Variants in AGPAT4 observed in about 807,000 individuals in gnomAD.
The protein encoded by AGPAT4 is 1-acyl-sn-glycerol-3-phosphate acyltransferase delta.
A neutral mutation model predicts 48.0 loss-of-function variants in AGPAT4; 15 were observed. The observed-to-expected ratio is 0.31, with a 90% CI of 0.21 to 0.48. The LOEUF (loss-of-function observed/expected upper bound fraction) is 0.48, where lower values mean the gene tolerates loss of function less well. AGPAT4 is among the 20% of genes least tolerant of loss of function. The pLI, the probability that AGPAT4 is intolerant of heterozygous loss-of-function variation, is 0.99. For missense variants in AGPAT4, 314 were observed against 482.5 expected, an observed-to-expected ratio of 0.65 and a Z score of 3.27; for synonymous variants, 178 against 198.7, an observed-to-expected ratio of 0.90 and a Z score of 0.88.
Position 161,234,772 on chromosome 6 carries a change from A to T in AGPAT4, c.-89-2470T>A, listed in dbSNP as rs1040782887. ...AAATCCTTTGCTTTGCCAATTCTACACTAAGAAAAGGAAGCCAGCTGACAT... is the reference window on the plus strand; with the variant it reads ...AAATCCTTTGCTTTGCCAATTCTACTCTAAGAAAAGGAAGCCAGCTGACAT... On this transcript the variant is annotated intron_variant, in intron 1 of 8. Transcript: ENST00000320285. This position sits in a 1 kb window ranked among gnomAD's most constrained non-coding sequence, Gnocchi z 4.4. Among the ~76,000 whole-genome samples the T allele has an allele frequency of 1.1e-4, 17 of 152,100 alleles. No homozygotes were observed. Among genetic ancestry groups the T allele is most frequent in the African/African-American group, 3.9e-4 (16 of 41,408 alleles).
rs1782573898 is a variant in AGPAT4 at position 161,243,954 on chromosome 6, A to T, written c.-89-11652T>A. Among the ~76,000 whole-genome samples the T allele has an allele frequency of 6.6e-6, 1 of 152,244 alleles. No individual in the cohort carries two copies. Among genetic ancestry groups the T allele is most frequent in the Non-Finnish European group, 1.5e-5 (1 of 68,048 alleles). On this transcript the variant is annotated intron_variant, in intron 1 of 8. Coordinates refer to ENST00000320285, the MANE Select transcript of AGPAT4 (RefSeq NM_020133.3). This position sits in a 1 kb window ranked among gnomAD's most constrained non-coding sequence, Gnocchi z 4.8. The stretch of plus-strand genomic sequence containing the variant: ...CCTTATTCCCAGCCCAGAGGAAGGC[A>T]GTTCAAAGTCATTGGTTTTGAGGCT...
chr6:161,131,306 A>G lies in AGPAT4; in HGVS notation c.*5234T>C, dbSNP rs114450442. ...CCATTCACAACCTTCATATTAAACT[A>G]GGATGAGGCTGCAGGAGCTGAGGAA... On this transcript the variant is annotated 3_prime_UTR_variant, in exon 9 of 9. Transcript: ENST00000320285. The G allele has an allele frequency of 2.7e-3, 421 of 157,816 alleles. 1 individual carries two copies. Among genetic ancestry groups the G allele is most frequent in the African/African-American group, 9.7e-3 (406 of 41,706 alleles). The allele number at this position is 157,816 out of a possible 1,614,324, so 9.8% of individuals were successfully genotyped here. A position where few individuals can be genotyped will look rare whatever the true frequency, so the allele number is the denominator to read the frequency against.
At chr6:161,211,319 C>T (rs1398042856) in intron 2 of AGPAT4, among the ~76,000 whole-genome samples, 1 of 152,002 alleles carries the variant, frequency 6.6e-6, no homozygotes, top group African/African-American at 2.4e-5. Context: ...TCTCCAAAAA[C>T]AAAGTGTGTC....
In AGPAT4 at chr6:161,195,002, G is replaced by A. The variant is rs962465509; in HGVS notation, c.179-28585C>T. Among the ~76,000 whole-genome samples, 22 of 152,094 alleles carry A rather than the reference G, an allele frequency of 1.4e-4. No individual in the cohort carries two copies. The highest frequency in any genetic ancestry group is 5.2e-4 in the Admixed American group (8 of 15,258). On this transcript the variant is annotated intron_variant, in intron 2 of 8. Transcript: ENST00000320285. This position sits in a 1 kb window ranked among gnomAD's most constrained non-coding sequence, Gnocchi z 5.0. ...TGCCTTCCTGCACCTTACTTGCCCC[G>A]GGAGAAGCTTTGGCCACCACCTTCC...
chr6:161,145,698 C>A (rs1275508479), intron 7 of AGPAT4, among the ~76,000 whole-genome samples: 1 of 151,618 alleles, frequency 6.6e-6, no homozygotes, highest in Non-Finnish European at 1.5e-5. Flanking sequence ...CTGGGTAATT[C>A]TCTCCTTTGA....
intron 1 of AGPAT4, among the ~76,000 whole-genome samples, chr6:161,260,668 A>AC (rs1302278184): frequency 4.0e-5 from 6 of 149,482 alleles, no homozygotes; most frequent in Non-Finnish European, 8.9e-5. Context: ...AAAAAAAAAA[A>AC]AAAAAAAAAA....
intron 4 of AGPAT4, 131 bp from the exon 5 acceptor site, chr6:161,153,630 TAC>T (rs879856624): frequency 1.9e-5 from 20 of 1,052,788 alleles, no homozygotes; most frequent in Middle Eastern, 3.0e-4. Context: ...GCCCCATGGT[TAC>T]ATACAGCCCT....
At chr6:161,160,104 A>ATTTTTTTTTTTTTTTTTTTTTTTTT (rs5881394) in intron 3 of AGPAT4, 2 of 74,008 alleles carry the variant, frequency 2.7e-5, no homozygotes, top group Non-Finnish European at 4.8e-5. Context: ...CACCCAGCTA[A>ATTTTTTTTTTTTTTTTTTTTTTTTT]TTTTTTTTTT....
rs1783405956 is a variant in AGPAT4, at chr6:161,270,999, A to G, written c.-90+2939T>C. On this transcript the variant is annotated intron_variant, in intron 1 of 8. Coordinates refer to ENST00000320285, the MANE Select transcript of AGPAT4 (RefSeq NM_020133.3). The surrounding 1 kb of genome is among the most constrained non-coding windows in gnomAD (Gnocchi z 5.3). Reference sequence around the variant, plus strand: ...TTCATACCTGTTTAAAGTCTAGTGTAAGTCTGGCCTTTCGTTGTTAAGCTG... The same window carrying G: ...TTCATACCTGTTTAAAGTCTAGTGTGAGTCTGGCCTTTCGTTGTTAAGCTG... Among the ~76,000 whole-genome samples, 1 of 152,182 alleles carries G rather than the reference A, an allele frequency of 6.6e-6. No homozygotes were observed. Among genetic ancestry groups the G allele is most frequent in the African/African-American group, 2.4e-5 (1 of 41,430 alleles).
At position 161,219,776 on chromosome 6, in the gene AGPAT4, G is replaced by T. The variant is rs1191485949; in HGVS notation, c.178+12260C>A. ...CTAAATTCCCTATTTAAAACGTAAG[G>T]TCATTTCTTGTACCAGGGACACAGA... On this transcript the variant is annotated intron_variant, in intron 2 of 8. Transcript: ENST00000320285. This position sits in a 1 kb window ranked among gnomAD's most constrained non-coding sequence, Gnocchi z 4.9. Among the ~76,000 whole-genome samples, 1 of 151,054 alleles carries T rather than the reference G, an allele frequency of 6.6e-6. No individual in the cohort carries two copies. The highest frequency in any genetic ancestry group is 2.5e-5 in the African/African-American group (1 of 40,670).
chr6:161,247,703 C>T (rs1437303800), intron 1 of AGPAT4, among the ~76,000 whole-genome samples: 1 of 152,124 alleles, frequency 6.6e-6, no homozygotes, highest in Non-Finnish European at 1.5e-5. Flanking sequence ...GAAGTCCTGG[C>T]CAGGCCATGG....
At position 161,159,215 on chromosome 6, in the gene AGPAT4, A is replaced by G. The variant is rs1779851977; in HGVS notation, c.349-4905T>C. On this transcript the variant is annotated intron_variant, in intron 3 of 8. Coordinates refer to ENST00000320285, the MANE Select transcript of AGPAT4 (RefSeq NM_020133.3). The surrounding 1 kb of genome is among the most constrained non-coding windows in gnomAD (Gnocchi z 4.1). ...CTCCAGGGTCCCCACAAGTCTCCCC[A>G]TAGCACAGCCTCCATTCTGATGTAT... is the stretch of plus-strand genomic sequence containing the variant. 6.6e-6 allele frequency among the ~76,000 whole-genome samples: 1 copy of G among 152,148 alleles called. No individual in the cohort carries two copies. Among genetic ancestry groups the G allele is most frequent in the Admixed American group, 6.5e-5 (1 of 15,274 alleles).
In AGPAT4 at chr6:161,225,096, A is replaced by G. The variant is rs1156423291; in HGVS notation, c.178+6940T>C. On this transcript the variant is annotated intron_variant, in intron 2 of 8. Transcript: ENST00000320285. The surrounding 1 kb of genome is among the most constrained non-coding windows in gnomAD (Gnocchi z 5.0). ...TTCACCCTGACTCATTCGGATTATT[A>G]CCTGCTCTACCCAGACTCATTCGGA... 6.7e-6 allele frequency among the ~76,000 whole-genome samples: 1 copy of G among 150,024 alleles called. No individual in the cohort carries two copies. Among genetic ancestry groups the G allele is most frequent in the African/African-American group, 2.5e-5 (1 of 39,766 alleles).
chr6:161,207,701 T>C (rs1056497102), intron 2 of AGPAT4, among the ~76,000 whole-genome samples: 1 of 152,030 alleles, frequency 6.6e-6, no homozygotes, highest in Non-Finnish European at 1.5e-5. Flanking sequence ...CCTTTGATAA[T>C]AGAAGGAAAG....
intron 2 of AGPAT4, among the ~76,000 whole-genome samples, chr6:161,230,887 A>G (rs1277149224): frequency 1.3e-5 from 2 of 152,180 alleles, no homozygotes; most frequent in Non-Finnish European, 2.9e-5. Context: ...TATCAGGCCT[A>G]TTTGCAAGTT....
rs1332376666 is a variant in AGPAT4, at chr6:161,254,330, C to A, written c.-90+19608G>T. Among the ~76,000 whole-genome samples, 1 of 152,158 alleles carries A rather than the reference C, an allele frequency of 6.6e-6. No individual in the cohort carries two copies. Among genetic ancestry groups the A allele is most frequent in the Admixed American group, 6.5e-5 (1 of 15,270 alleles). ...TGACTTATTTTCTTTGGTCACTAAC[C>A]TGCTCAGGTCCCTACCTTCTCTGAT... is the stretch of plus-strand genomic sequence containing the variant. On this transcript the variant is annotated intron_variant, in intron 1 of 8. Transcript: ENST00000320285. The surrounding 1 kb of genome is among the most constrained non-coding windows in gnomAD (Gnocchi z 5.9).
At chr6:161,230,442 G>C (rs1782094459) in intron 2 of AGPAT4, among the ~76,000 whole-genome samples, 1 of 152,156 alleles carries the variant, frequency 6.6e-6, no homozygotes, top group African/African-American at 2.4e-5. Context: ...TTTAAATTCT[G>C]CTTAAATAGA....
rs1779488328 is a variant in AGPAT4, at chr6:161,148,219, A to G, written c.767+968T>C. ...GCAGGTGGGTGATTCTCCTGCCTTC[A>G]TATGCCACAGAACTGAGTCACAGGG... On this transcript the variant is annotated intron_variant, in intron 6 of 8. Coordinates refer to ENST00000320285, the MANE Select transcript of AGPAT4 (RefSeq NM_020133.3). This position sits in a 1 kb window ranked among gnomAD's most constrained non-coding sequence, Gnocchi z 5.5. Among the ~76,000 whole-genome samples the G allele has an allele frequency of 6.6e-6, 1 of 152,214 alleles. No homozygotes were observed. The highest frequency in any genetic ancestry group is 1.5e-5 in the Non-Finnish European group (1 of 68,034).
rs1783100650 is a variant in AGPAT4 at position 161,261,563 on chromosome 6, C to T, written c.-90+12375G>A. Among the ~76,000 whole-genome samples the T allele has an allele frequency of 6.6e-6, 1 of 152,222 alleles. No individual in the cohort carries two copies. The highest frequency in any genetic ancestry group is 1.5e-5 in the Non-Finnish European group (1 of 68,048). On this transcript the variant is annotated intron_variant, in intron 1 of 8. Transcript: ENST00000320285. This position sits in a 1 kb window ranked among gnomAD's most constrained non-coding sequence, Gnocchi z 5.3. Reference sequence around the variant, plus strand: ...GATGGGACCTGTCAGAGGGACGTAGCTGCTACCCTGAGACCGGGTAAGGCA... The same window carrying T: ...GATGGGACCTGTCAGAGGGACGTAGTTGCTACCCTGAGACCGGGTAAGGCA...
Sources: gnomAD v4.1 joint callset for allele counts (sites outside exome capture counted in the v4.1 genomes callset) on GRCh38, gnomAD v4.1.1 for gene constraint, Gnocchi (gnomAD v3.1) non-coding constraint, MANE v1.5 for transcripts, NCBI Gene and HGNC (gene_info 2026-07-23, HGNC 2026-07-21) for gene names.